The following CDIN1 variants were observed in gnomAD, a reference collection of about 807,000 sequenced individuals.
CDIN1 encodes CDAN1 interacting nuclease 1, also known as CDAN1-interacting nuclease 1.
In CDIN1, 33 loss-of-function variants were observed where a neutral mutation model predicts 45.3. The ratio of observed to expected loss-of-function variants is 0.73; its 90% CI spans 0.55 to 0.97. The LOEUF is 0.97. CDIN1 is among the 50% of genes least tolerant of loss of function. The pLI is 0.00. For missense variants in CDIN1, 303 were observed against 339.4 expected (o/e 0.89, Z 0.84); for synonymous variants, 118 against 124.4 (o/e 0.95, Z 0.34).
Position 36,691,993 on chromosome 15 carries a change from G to A in CDIN1, c.427-133G>A, listed in dbSNP as rs549722297. ...TGTTTTCTGTGATTAAATCCGAACC[G>A]CCTTTTGATAGCTTTCTTTTTTTGG... On this transcript the variant is annotated intron_variant, in intron 6 of 10. Transcript: ENST00000566621. 32 of 768,924 alleles carry A rather than the reference G, an allele frequency of 4.2e-5. No individual in the cohort carries two copies. In the East Asian group the frequency reaches 5.1e-4, roughly 12 times the overall value. The allele number at this position is 768,924 out of a possible 1,614,324, so 47.6% of individuals were successfully genotyped here.
intron 5 of CDIN1, among the ~76,000 whole-genome samples, chr15:36,684,189 C>G (rs2041957432): frequency 6.7e-6 from 1 of 149,556 alleles, no homozygotes; most frequent in Non-Finnish European, 1.5e-5. Flanking sequence ...TTTGCCCATT[C>G]AGTATGATAT....
At chr15:36,654,247 TG>T in intron 4 of CDIN1, 89 bp downstream of exon 4, 1 of 1,053,796 alleles carries the variant, frequency 9.5e-7, no homozygotes, top group South Asian at 1.5e-5. Flanking sequence ...TAACTACCTT[TG>T]GAAAAAAAAA....
intron 3 of CDIN1, among the ~76,000 whole-genome samples, chr15:36,645,866 G>A (rs1305989152): frequency 1.3e-5 from 2 of 152,072 alleles, no homozygotes; most frequent in African/African-American, 4.8e-5. Flanking sequence ...ACAACCTTGG[G>A]TATTAAATCA....
chr15:36,716,836 T>G (rs1359449026), intron 10 of CDIN1, among the ~76,000 whole-genome samples: 1 of 152,198 alleles, frequency 6.6e-6, no homozygotes, highest in Non-Finnish European at 1.5e-5. Flanking sequence ...CAGCAAACAT[T>G]TACAGGCACT....
intron 10 of CDIN1, among the ~76,000 whole-genome samples, chr15:36,744,449 A>G (rs2044348302): frequency 6.6e-6 from 1 of 152,174 alleles, no homozygotes; most frequent in Non-Finnish European, 1.5e-5. Context: ...GAGCAAGGGT[A>G]ATATGTTCAC....
chr15:36,645,360 GT>G (rs2040275042), intron 3 of CDIN1, 73 bp downstream of exon 3: 1 of 1,244,202 alleles, frequency 8.0e-7, no homozygotes, highest in South Asian at 1.5e-5. Flanking sequence ...AATAAGTTAG[GT>G]TATTAATTTT....
intron 1 of CDIN1, among the ~76,000 whole-genome samples, chr15:36,620,477 T>C (rs1157651852): frequency 1.3e-5 from 2 of 151,810 alleles, no homozygotes; most frequent in African/African-American, 4.8e-5. Context: ...TGGGAAACAA[T>C]TTTTTTTTCT....
intron 10 of CDIN1, among the ~76,000 whole-genome samples, chr15:36,769,020 TAA>T (rs1258408884): frequency 1.3e-5 from 2 of 150,850 alleles, no homozygotes; most frequent in African/African-American, 4.9e-5. Flanking sequence ...TGTGGAGAGA[TAA>T]GAGATTATAT....
intron 1 of CDIN1, among the ~76,000 whole-genome samples, chr15:36,624,678 T>C (rs1241499741): frequency 6.6e-6 from 1 of 152,184 alleles, no homozygotes; most frequent in African/African-American, 2.4e-5. Flanking sequence ...TGTTAAATTC[T>C]TAAAAGTATC....
intron 10 of CDIN1, among the ~76,000 whole-genome samples, chr15:36,767,586 C>T (rs912850708): frequency 6.6e-6 from 1 of 152,212 alleles, no homozygotes; most frequent in Non-Finnish European, 1.5e-5. Flanking sequence ...ATATTCCCAC[C>T]TGTTCAGGTC....
At chr15:36,690,591 G>A (rs1358062897) in intron 5 of CDIN1, among the ~76,000 whole-genome samples, 2 of 152,038 alleles carry the variant, frequency 1.3e-5, no homozygotes. Flanking sequence ...TTATGTATCA[G>A]TGTTCTTATA....
At chr15:36,590,663 A>T (rs552190538) in intron 1 of CDIN1, among the ~76,000 whole-genome samples, 1 of 152,212 alleles carries the variant, frequency 6.6e-6, no homozygotes. Context: ...ATTTTCAGTC[A>T]CTGTTAGTTA....
intron 10 of CDIN1, among the ~76,000 whole-genome samples, chr15:36,789,105 A>G (rs2054581321): frequency 6.6e-6 from 1 of 152,236 alleles, no homozygotes; most frequent in Admixed American, 6.5e-5. Context: ...AAGTTTACGA[A>G]TTTGTGTTGG....
At chr15:36,725,537 A>C (rs1306947488) in intron 10 of CDIN1, among the ~76,000 whole-genome samples, 1 of 152,166 alleles carries the variant, frequency 6.6e-6, no homozygotes, top group Non-Finnish European at 1.5e-5. Context: ...GGAATTCAGA[A>C]GTTTGAGGAT....
At chr15:36,781,541 C>T (rs1003037632) in intron 10 of CDIN1, among the ~76,000 whole-genome samples, 2 of 152,158 alleles carry the variant, frequency 1.3e-5, no homozygotes, top group African/African-American at 2.4e-5. Context: ...AATAGGTGTC[C>T]ATTCTGCATC....
At chr15:36,651,657 C>G (rs957945317) in intron 3 of CDIN1, among the ~76,000 whole-genome samples, 2 of 151,896 alleles carry the variant, frequency 1.3e-5, no homozygotes, top group Admixed American at 1.3e-4. Context: ...TGTGGCACCT[C>G]ACTAGGCCTC....
intron 8 of CDIN1, chr15:36,706,039 G>A (rs2042852338): frequency 6.6e-6 from 1 of 152,088 alleles, no homozygotes; most frequent in South Asian, 2.1e-4. Flanking sequence ...TGAAGAAACA[G>A]TTTATGTTAC....
chr15:36,746,669 C>CACACACACACACACACACACA lies in CDIN1; in HGVS notation c.716+36708_716+36709insACACACACACACACACACACA, dbSNP rs2044448487. Among the ~76,000 whole-genome samples, 3 of 141,434 alleles carry CACACACACACACACACACACA rather than the reference C, an allele frequency of 2.1e-5. No individual in the cohort carries two copies. The East Asian group carries it at 6.1e-4, about 29-fold the overall frequency. 92.8% of individuals were successfully genotyped at this position (141,434 alleles called of 152,430 possible). On this transcript the variant is annotated intron_variant, in intron 10 of 10. Coordinates refer to ENST00000566621, the MANE Select transcript of CDIN1 (RefSeq NM_001321759.2). ...GCATATCATATATAAATATATGGTT[C>CACACACACACACACACACACA]CACACACACACACACACACACACAC...
chr15:36,702,141 G>A, intron 8 of CDIN1: 1 of 701,986 alleles, frequency 1.4e-6, no homozygotes, highest in Non-Finnish European at 2.6e-6. Context: ...TGAAGGGAAT[G>A]GAGATGGCTG....
Sources: allele counts gnomAD v4.1 joint callset (sites outside exome capture counted in the v4.1 genomes callset), GRCh38; gene constraint gnomAD v4.1.1; transcripts MANE v1.5; gene names NCBI Gene and HGNC (gene_info 2026-07-23, HGNC 2026-07-21).